Variants in FBXL7 observed in about 807,000 individuals in gnomAD.
FBXL7 encodes F-box/LRR-repeat protein 7.
Under a neutral mutation model 38.3 loss-of-function variants are expected in FBXL7, and 12 were observed. The ratio of observed to expected loss-of-function variants is 0.31; its 90% CI spans 0.20 to 0.51. The LOEUF is 0.51. FBXL7 is among the 20% of genes least tolerant of loss of function. The pLI is 0.98. For synonymous variants in FBXL7, 297 were observed against 300.9 expected (o/e 0.99, Z 0.13); for missense variants, 567 against 676.4 (o/e 0.84, Z 1.79).
intron 3 of FBXL7, among the ~76,000 whole-genome samples, chr5:15,931,746 A>G (rs555245830): frequency 3.3e-5 from 5 of 151,562 alleles, no homozygotes; most frequent in Non-Finnish European, 2.9e-5. Flanking sequence ...ATGTCCCAAA[A>G]CACATCCTAT....
chr5:15,732,733 G>T (rs1735624888), intron 2 of FBXL7, among the ~76,000 whole-genome samples: 1 of 152,088 alleles, frequency 6.6e-6, no homozygotes, highest in Non-Finnish European at 1.5e-5. Context: ...ATGTTAAAAA[G>T]AATTTATTTT....
chr5:15,820,043 T>G (rs1738129689), intron 2 of FBXL7, among the ~76,000 whole-genome samples: 1 of 152,092 alleles, frequency 6.6e-6, no homozygotes, highest in Non-Finnish European at 1.5e-5. Context: ...TTATTCAGAG[T>G]CTAGGGAAAA....
At chr5:15,683,010 T>C (rs1445568813) in intron 2 of FBXL7, among the ~76,000 whole-genome samples, 2 of 152,192 alleles carry the variant, frequency 1.3e-5, no homozygotes, top group African/African-American at 4.8e-5. Context: ...TTATCCCCTG[T>C]AATGTTTACA....
At chr5:15,879,130 A>G (rs1277249383) in intron 2 of FBXL7, among the ~76,000 whole-genome samples, 5 of 152,198 alleles carry the variant, frequency 3.3e-5, no homozygotes, top group African/African-American at 7.2e-5. Context: ...TTTCACTTCT[A>G]GAAGTTCATC....
At chr5:15,730,006 A>G (rs1373225899) in intron 2 of FBXL7, among the ~76,000 whole-genome samples, 4 of 152,314 alleles carry the variant, frequency 2.6e-5, no homozygotes, top group Middle Eastern at 3.4e-3. Context: ...CCGAGTTCCC[A>G]TGAGAAACAA....
At chr5:15,692,168 A>C (rs1038224863) in intron 2 of FBXL7, among the ~76,000 whole-genome samples, 1 of 152,094 alleles carries the variant, frequency 6.6e-6, no homozygotes, top group Non-Finnish European at 1.5e-5. Context: ...GAAAGATCCT[A>C]CCAGCTGTTG....
In FBXL7 at chr5:15,831,524, A is replaced by G. The variant is rs116882543; in HGVS notation, c.128-96366A>G. 4.7e-4 allele frequency among the ~76,000 whole-genome samples: 71 copies of G among 152,302 alleles called. 1 individual carries two copies. In the East Asian group the frequency reaches 0.012, roughly 26 times the overall value. On this transcript the variant is annotated intron_variant, in intron 2 of 3. Transcript: ENST00000504595. ...AGGTGTCTGTGTTTAATGGATTTCT[A>G]TGGTCCAGTGCTGTGGGGAAACACT...
At chr5:15,761,990 C>CA (rs1490169609) in intron 2 of FBXL7, among the ~76,000 whole-genome samples, 2 of 152,176 alleles carry the variant, frequency 1.3e-5, no homozygotes, top group Non-Finnish European at 2.9e-5. Flanking sequence ...CAGCATCATG[C>CA]AACACACGTT....
chr5:15,801,040 A>C (rs997718767), intron 2 of FBXL7, among the ~76,000 whole-genome samples: 6 of 152,204 alleles, frequency 3.9e-5, no homozygotes, highest in Admixed American at 3.9e-4. Flanking sequence ...TTATGGTCTA[A>C]AGGCAGAATT....
intron 1 of FBXL7, among the ~76,000 whole-genome samples, chr5:15,566,619 A>T (rs1237364613): frequency 6.6e-6 from 1 of 152,170 alleles, no homozygotes; most frequent in Non-Finnish European, 1.5e-5. Flanking sequence ...CCAACATCAT[A>T]AATTACACAT....
chr5:15,747,182 G>A (rs965056399), intron 2 of FBXL7, among the ~76,000 whole-genome samples: 1 of 152,102 alleles, frequency 6.6e-6, no homozygotes, highest in Admixed American at 6.5e-5. Flanking sequence ...GAAAAACGAG[G>A]CAATTACATA....
chr5:15,591,344 G>T (rs1739468824), intron 1 of FBXL7, among the ~76,000 whole-genome samples: 3 of 151,612 alleles, frequency 2.0e-5, no homozygotes, highest in Admixed American at 2.0e-4. Context: ...CAGGAGAATG[G>T]TGTGAATCCG....
At position 15,667,097 on chromosome 5, in the gene FBXL7, A is replaced by G. The variant is rs1742308060; in HGVS notation, c.127+51025A>G. Among the ~76,000 whole-genome samples, 4 of 152,334 alleles carry G rather than the reference A, an allele frequency of 2.6e-5. No individual in the cohort carries two copies. In the South Asian group the frequency reaches 8.3e-4, roughly 32 times the overall value. On this transcript the variant is annotated intron_variant, in intron 2 of 3. Coordinates refer to ENST00000504595, the MANE Select transcript of FBXL7 (RefSeq NM_012304.5). ...CTTTATGGGGATATATTGATGGTAA[A>G]TTGTAGTCACTAGTGCATAATATTG...
intron 1 of FBXL7, among the ~76,000 whole-genome samples, chr5:15,602,923 A>G (rs1333071347): frequency 6.6e-6 from 1 of 152,122 alleles, no homozygotes; most frequent in Non-Finnish European, 1.5e-5. Flanking sequence ...AGCCTCGAAC[A>G]CTGGGGCTCA....
At position 15,541,543 on chromosome 5, in the gene FBXL7, CT is replaced by C. The variant is rs1173509531; in HGVS notation, c.37+40849del. Among the ~76,000 whole-genome samples, 118 of 91,348 alleles carry C rather than the reference CT, an allele frequency of 1.3e-3. 1 individual carries two copies. Among genetic ancestry groups the C allele is most frequent in the African/African-American group, 4.4e-3 (98 of 22,468 alleles). The allele number at this position is 91,348 out of a possible 152,430, so 59.9% of individuals were successfully genotyped here. On this transcript the variant is annotated intron_variant, in intron 1 of 3. Transcript: ENST00000504595. ...CCCACCCCTATTCCCACTCACTCCT[CT>C]TTTTTTTTTTTTTTTTTTGAGACAG...
Position 15,719,975 on chromosome 5 carries a change from A to G in FBXL7, c.127+103903A>G, listed in dbSNP as rs191237517. Among the ~76,000 whole-genome samples the G allele has an allele frequency of 3.4e-5, 5 of 148,932 alleles. No homozygotes were observed. In the East Asian group the frequency reaches 5.8e-4, roughly 17 times the overall value. On this transcript the variant is annotated intron_variant, in intron 2 of 3. Transcript: ENST00000504595. ...CAGGAGAGAAGTCTGCGTATTCCCT[A>G]TCAGTAGCTACTGCATCCTGTCTGT...
At chr5:15,607,935 T>G (rs947319764) in intron 1 of FBXL7, among the ~76,000 whole-genome samples, 1 of 152,242 alleles carries the variant, frequency 6.6e-6, no homozygotes, top group Non-Finnish European at 1.5e-5. Context: ...GCACAAAATT[T>G]TACTTTACCG....
intron 2 of FBXL7, among the ~76,000 whole-genome samples, chr5:15,841,271 G>A (rs1277611125): frequency 1.3e-5 from 2 of 151,902 alleles, no homozygotes; most frequent in African/African-American, 4.8e-5. Context: ...TTTGTTTCTG[G>A]TTCATAGAAA....
intron 1 of FBXL7, among the ~76,000 whole-genome samples, chr5:15,503,829 A>G (rs891687269): frequency 6.6e-6 from 1 of 152,250 alleles, no homozygotes; most frequent in Non-Finnish European, 1.5e-5. Flanking sequence ...TATTAATGAC[A>G]GTTGACATCG....
Sources: allele counts gnomAD v4.1 joint callset (sites outside exome capture counted in the v4.1 genomes callset), GRCh38; gene constraint gnomAD v4.1.1; transcripts MANE v1.5; gene names NCBI Gene and HGNC (gene_info 2026-07-23, HGNC 2026-07-21).